SGMS1: variants seen among roughly 807,000 people sequenced by gnomAD.
The protein encoded by SGMS1 is phosphatidylcholine:ceramide cholinephosphotransferase 1.
In SGMS1, 13 loss-of-function variants were observed where a neutral mutation model predicts 46.2. The ratio of observed to expected loss-of-function variants is 0.28; its 90% CI spans 0.18 to 0.45. SGMS1 has a LOEUF of 0.45. Among genes scored for constraint, SGMS1 ranks in the 20% least tolerant of loss-of-function variants. SGMS1 has a pLI of 1.00. For missense variants in SGMS1, 324 were observed against 519.9 expected (o/e 0.62, Z 3.66); for synonymous variants, 203 against 187.8 (o/e 1.08, Z -0.66).
chr10:50,569,673 A>G (rs1838320657), intron 2 of SGMS1, among the ~76,000 whole-genome samples: 1 of 152,168 alleles, frequency 6.6e-6, no homozygotes. Flanking sequence ...TGGTAGCTCA[A>G]TTTCCCCCAA....
chr10:50,598,106 G>A (rs1265077674), intron 1 of SGMS1, among the ~76,000 whole-genome samples: 1 of 135,492 alleles, frequency 7.4e-6, no homozygotes, highest in African/African-American at 2.7e-5. Context: ...AAATTCATAT[G>A]TTGAAACCCT....
chr10:50,526,472 C>G (rs1348796872), intron 2 of SGMS1, among the ~76,000 whole-genome samples: 2 of 152,172 alleles, frequency 1.3e-5, no homozygotes, highest in African/African-American at 4.8e-5. Context: ...TACAGACACA[C>G]AATCTCCCTG....
chr10:50,420,818 T>C (rs1849245605), intron 6 of SGMS1, among the ~76,000 whole-genome samples: 1 of 152,206 alleles, frequency 6.6e-6, no homozygotes, highest in South Asian at 2.1e-4. Flanking sequence ...AGAGATACTT[T>C]GAGATCTATG....
At chr10:50,396,004 C>T (rs752207174) in intron 6 of SGMS1, among the ~76,000 whole-genome samples, 4 of 152,112 alleles carry the variant, frequency 2.6e-5, no homozygotes, top group Admixed American at 2.0e-4. Flanking sequence ...CACCCTTAAC[C>T]GATTCATCAT....
Position 50,368,563 on chromosome 10 carries a change from C to T in SGMS1, c.-231-24218G>A, listed in dbSNP as rs1848386715. Among the ~76,000 whole-genome samples the T allele has an allele frequency of 2.6e-5, 4 of 152,146 alleles. No homozygotes were observed. In the South Asian group the frequency reaches 6.2e-4, roughly 24 times the overall value. On this transcript the variant is annotated intron_variant, in intron 6 of 10. Transcript: ENST00000361781. ...TAGAGACAGGGTTTCACCATGCTGG[C>T]CAGGCTGGTCTTGAACTCCTGACCT...
At chr10:50,469,504 C>G (rs1837360109) in intron 3 of SGMS1, among the ~76,000 whole-genome samples, 1 of 152,128 alleles carries the variant, frequency 6.6e-6, no homozygotes, top group African/African-American at 2.4e-5. Context: ...CTTTCTGGGA[C>G]TCTATGAGTA....
At chr10:50,378,878 T>C (rs954600650) in intron 6 of SGMS1, among the ~76,000 whole-genome samples, 1 of 152,184 alleles carries the variant, frequency 6.6e-6, no homozygotes, top group African/African-American at 2.4e-5. Context: ...GTTACTACAT[T>C]ATTCTCAAAT....
chr10:50,327,450 G>T, intron 7 of SGMS1, 128 bp from the exon 8 acceptor site: 1 of 655,450 alleles, frequency 1.5e-6, no homozygotes, highest in Non-Finnish European at 2.7e-6. Context: ...CCAGAATGTT[G>T]TAACTATGGC....
chr10:50,423,913 C>T (rs1217963447), intron 6 of SGMS1, among the ~76,000 whole-genome samples: 2 of 152,118 alleles, frequency 1.3e-5, no homozygotes, highest in African/African-American at 4.8e-5. Context: ...ATCCATTTAC[C>T]GAGTACCTAC....
intron 5 of SGMS1, among the ~76,000 whole-genome samples, chr10:50,438,164 GC>G (rs1464828513): frequency 2.6e-5 from 4 of 152,172 alleles, no homozygotes; most frequent in African/African-American, 9.7e-5. Context: ...CTCTAAAGTG[GC>G]CCCCTTGATC....
intron 5 of SGMS1, among the ~76,000 whole-genome samples, chr10:50,436,212 C>G (rs111232353): frequency 6.6e-6 from 1 of 152,178 alleles, no homozygotes; most frequent in Non-Finnish European, 1.5e-5. Flanking sequence ...TCACACCATT[C>G]TCCTGCCTCA....
At position 50,523,922 on chromosome 10, in the gene SGMS1, CA is replaced by C. The variant is rs1425066316; in HGVS notation, c.-588-4002del. On this transcript the variant is annotated intron_variant, in intron 2 of 10. Transcript: ENST00000361781. ...GTGTGCACATGCGCACACACACACG[CA>C]GCATTCCAAACACAGTTTGCAGACT... 3.3e-5 allele frequency among the ~76,000 whole-genome samples: 5 copies of C among 152,370 alleles called. No individual in the cohort carries two copies. In the East Asian group the frequency reaches 9.6e-4, roughly 29 times the overall value.
intron 5 of SGMS1, among the ~76,000 whole-genome samples, chr10:50,448,559 A>C (rs1323298152): frequency 2.0e-5 from 3 of 152,130 alleles, no homozygotes; most frequent in African/African-American, 2.4e-5. Flanking sequence ...AGCCTGACCA[A>C]CATGGAGAAA....
chr10:50,504,591 A>C (rs977079520), intron 3 of SGMS1, among the ~76,000 whole-genome samples: 1 of 152,174 alleles, frequency 6.6e-6, no homozygotes, highest in Non-Finnish European at 1.5e-5. Flanking sequence ...GGATGGGAAG[A>C]TGGGGTAATA....
intron 2 of SGMS1, among the ~76,000 whole-genome samples, chr10:50,543,937 C>T (rs1365458418): frequency 2.0e-5 from 3 of 152,214 alleles, no homozygotes; most frequent in East Asian, 1.9e-4. Flanking sequence ...CGTAGTGCTA[C>T]AGCCCCAGAA....
chr10:50,424,189 A>C (rs1164729720), intron 6 of SGMS1, among the ~76,000 whole-genome samples: 1 of 152,238 alleles, frequency 6.6e-6, no homozygotes, highest in East Asian at 1.9e-4. Flanking sequence ...GAGCGAATGT[A>C]TCAGACTCCA....
chr10:50,606,650 G>T (rs1290492692), intron 1 of SGMS1, among the ~76,000 whole-genome samples: 2 of 152,220 alleles, frequency 1.3e-5, no homozygotes, highest in Non-Finnish European at 1.5e-5. Flanking sequence ...TTCAGTCTCA[G>T]TCTGGAAAGC....
At chr10:50,599,339 T>C (rs963687706) in intron 1 of SGMS1, among the ~76,000 whole-genome samples, 3 of 152,244 alleles carry the variant, frequency 2.0e-5, no homozygotes, top group African/African-American at 7.2e-5. Flanking sequence ...TCTTCATCTT[T>C]GCTGCTAAGA....
At chr10:50,412,274 T>C (rs1212386605) in intron 6 of SGMS1, among the ~76,000 whole-genome samples, 1 of 152,232 alleles carries the variant, frequency 6.6e-6, no homozygotes, top group Non-Finnish European at 1.5e-5. Context: ...AAAAAATTCC[T>C]AACTTCAATT....
Sources: gnomAD v4.1 joint callset for allele counts (sites outside exome capture counted in the v4.1 genomes callset) on GRCh38, gnomAD v4.1.1 for gene constraint, MANE v1.5 for transcripts, NCBI Gene and HGNC (gene_info 2026-07-23, HGNC 2026-07-21) for gene names.